RFX3: variants seen among roughly 807,000 people sequenced by gnomAD.
RFX3 encodes transcription factor RFX3.
Under a neutral mutation model 98.6 loss-of-function variants are expected in RFX3, and 14 were observed. The ratio of observed to expected loss-of-function variants is 0.14; its 90% CI spans 0.09 to 0.22. The LOEUF (loss-of-function observed/expected upper bound fraction) is 0.22, where lower values mean the gene tolerates loss of function less well. Among genes scored for constraint, RFX3 ranks in the 10% least tolerant of loss-of-function variants. RFX3 has a pLI of 1.00. For missense variants in RFX3, 639 were observed against 926.9 expected, an observed-to-expected ratio of 0.69 and a Z score of 4.03; for synonymous variants, 383 against 328.4, an observed-to-expected ratio of 1.17 and a Z score of -1.80.
At chr9:3,254,335 A>C (rs2131065879) in intron 14 of RFX3, among the ~76,000 whole-genome samples, 1 of 151,988 alleles carries the variant, frequency 6.6e-6, no homozygotes, top group South Asian at 2.1e-4. Context: ...TAACATAAGA[A>C]AGCAGTAGGA....
chr9:3,439,722 CAATACT>C (rs1355374751), intron 1 of RFX3, among the ~76,000 whole-genome samples: 1 of 151,968 alleles, frequency 6.6e-6, no homozygotes, highest in Non-Finnish European at 1.5e-5. Context: ...ACAATACTAA[CAATACT>C]AACATGTTTC....
chr9:3,362,447 G>A (rs1330523357), intron 2 of RFX3, among the ~76,000 whole-genome samples: 2 of 152,152 alleles, frequency 1.3e-5, no homozygotes, highest in Non-Finnish European at 2.9e-5. Flanking sequence ...TTTTCAGAAA[G>A]TCTTAGCTCT....
intron 15 of RFX3, among the ~76,000 whole-genome samples, chr9:3,232,521 T>C (rs1193768620): frequency 6.6e-6 from 1 of 152,220 alleles, no homozygotes; most frequent in Admixed American, 6.5e-5. Flanking sequence ...GAAAGTTCAT[T>C]TGTTCTCTTC....
At chr9:3,474,505 A>G (rs944057663) in intron 1 of RFX3, among the ~76,000 whole-genome samples, 2 of 152,208 alleles carry the variant, frequency 1.3e-5, no homozygotes, top group African/African-American at 4.8e-5. Flanking sequence ...ACTTCCCCGA[A>G]ACACAAACTC....
At chr9:3,254,501 T>C (rs1433637192) in intron 14 of RFX3, among the ~76,000 whole-genome samples, 1 of 152,020 alleles carries the variant, frequency 6.6e-6, no homozygotes, top group South Asian at 2.1e-4. Flanking sequence ...ACTTGATGAA[T>C]AAAAAGAAAC....
rs1817367133 is a variant in RFX3 at position 3,222,087 on chromosome 9, C to T, written c.*2955G>A. Reference sequence around the variant, plus strand: ...AATAAATGTGATTGCTCAATTTGCTCAAATGTATAAATTGTTTTTATTTTC... The same window carrying T: ...AATAAATGTGATTGCTCAATTTGCTTAAATGTATAAATTGTTTTTATTTTC... On this transcript the variant is annotated 3_prime_UTR_variant, in exon 17 of 17. Transcript: ENST00000617270. 1 of 152,050 alleles carries T rather than the reference C, an allele frequency of 6.6e-6. No homozygotes were observed. The highest frequency in any genetic ancestry group is 1.5e-5 in the Non-Finnish European group (1 of 67,968). 9.4% of individuals were successfully genotyped at this position (152,050 alleles called of 1,614,324 possible). A position where few individuals can be genotyped will look rare whatever the true frequency, so the allele number is the denominator to read the frequency against.
At chr9:3,482,572 T>A (rs557469497) in intron 1 of RFX3, among the ~76,000 whole-genome samples, 3 of 152,380 alleles carry the variant, frequency 2.0e-5, no homozygotes, top group East Asian at 3.9e-4. Flanking sequence ...GAACTTTGAA[T>A]GTTAATTACG....
intron 4 of RFX3, among the ~76,000 whole-genome samples, chr9:3,309,224 G>A (rs1829686859): frequency 6.6e-6 from 1 of 152,124 alleles, no homozygotes; most frequent in African/African-American, 2.4e-5. Flanking sequence ...ATTAGGATTA[G>A]GAATTCAGAA....
At chr9:3,502,436 G>C (rs1037500773) in intron 1 of RFX3, among the ~76,000 whole-genome samples, 3 of 152,050 alleles carry the variant, frequency 2.0e-5, no homozygotes, top group Non-Finnish European at 4.4e-5. Flanking sequence ...ATCATATTAT[G>C]AATGCCAAAA....
chr9:3,525,215 C>T (rs982513967), intron 1 of RFX3, among the ~76,000 whole-genome samples: 5 of 152,256 alleles, frequency 3.3e-5, no homozygotes, highest in African/African-American at 9.6e-5. Context: ...AAACCCATAA[C>T]AAGGCCCCAC....
intron 1 of RFX3, among the ~76,000 whole-genome samples, chr9:3,468,226 G>C (rs983565915): frequency 1.3e-5 from 2 of 152,170 alleles, no homozygotes; most frequent in Non-Finnish European, 2.9e-5. Context: ...CAGTTACTGA[G>C]TACAGAGACA....
chr9:3,413,496 G>GGAGCA (rs1842640484), intron 1 of RFX3, among the ~76,000 whole-genome samples: 1 of 151,932 alleles, frequency 6.6e-6, no homozygotes, highest in Non-Finnish European at 1.5e-5. Flanking sequence ...CCCACCTTTA[G>GGAGCA]TATTTAGATT....
chr9:3,400,240 T>C (rs1475062969), intron 1 of RFX3: 5 of 981,100 alleles, frequency 5.1e-6, no homozygotes, highest in East Asian at 1.1e-4. Flanking sequence ...ATTTTTAGAA[T>C]GAGACAGGAA....
intron 14 of RFX3, among the ~76,000 whole-genome samples, chr9:3,250,890 G>A (rs573132602): frequency 1.3e-5 from 2 of 152,124 alleles, no homozygotes; most frequent in Non-Finnish European, 2.9e-5. Flanking sequence ...ACCCCCAAGT[G>A]AATTGGAATA....
intron 1 of RFX3, among the ~76,000 whole-genome samples, chr9:3,480,299 C>G (rs1049834426): frequency 2.0e-5 from 3 of 152,182 alleles, no homozygotes; most frequent in African/African-American, 7.2e-5. Flanking sequence ...CAGAAATTCT[C>G]CCTCTCCATG....
intron 5 of RFX3, among the ~76,000 whole-genome samples, chr9:3,297,064 G>A (rs945760197): frequency 1.3e-5 from 2 of 152,054 alleles, no homozygotes; most frequent in South Asian, 4.1e-4. Context: ...TTTTGTGTAA[G>A]TTTAAGTGCA....
chr9:3,475,051 A>G (rs568140889), intron 1 of RFX3, among the ~76,000 whole-genome samples: 2 of 150,698 alleles, frequency 1.3e-5, no homozygotes, highest in East Asian at 3.9e-4. Flanking sequence ...GTGAGCTATA[A>G]TTGTGCCACT....
At chr9:3,254,377 G>C (rs1314038826) in intron 14 of RFX3, among the ~76,000 whole-genome samples, 3 of 151,986 alleles carry the variant, frequency 2.0e-5, no homozygotes, top group African/African-American at 7.2e-5. Flanking sequence ...TTTGGATGTA[G>C]AGGATGGACT....
intron 1 of RFX3, among the ~76,000 whole-genome samples, chr9:3,466,656 T>C (rs979384396): frequency 1.3e-5 from 2 of 152,108 alleles, no homozygotes; most frequent in African/African-American, 4.8e-5. Flanking sequence ...TTAGATGTCT[T>C]ATTTGAAAAT....
Sources: gnomAD v4.1 joint callset for allele counts (sites outside exome capture counted in the v4.1 genomes callset) on GRCh38, gnomAD v4.1.1 for gene constraint, MANE v1.5 for transcripts, NCBI Gene and HGNC (gene_info 2026-07-23, HGNC 2026-07-21) for gene names.